PDE4D: variants seen among roughly 807,000 people sequenced by gnomAD.
The protein encoded by PDE4D is 3',5'-cyclic-AMP phosphodiesterase 4D.
Under a neutral mutation model 87.4 loss-of-function variants are expected in PDE4D, and 24 were observed. The ratio of observed to expected loss-of-function variants is 0.27; its 90% CI spans 0.20 to 0.39. The LOEUF (loss-of-function observed/expected upper bound fraction) is 0.39. Ranked by LOEUF, PDE4D falls within the 10% of genes least tolerant of loss-of-function variation. The probability of loss-of-function intolerance (pLI) is 1.00; values close to 1 mark genes in which losing one functional copy is unlikely to be tolerated. For synonymous variants in PDE4D, 384 were observed against 383.2 expected, an observed-to-expected ratio of 1.00 and a Z score of -0.02; for missense variants, 714 against 1,041.0, an observed-to-expected ratio of 0.69 and a Z score of 4.32.
chr5:59,148,757 GTGT>G (rs774385458), intron 5 of PDE4D, among the ~76,000 whole-genome samples: 1,524 of 111,654 alleles, frequency 0.014, 12 homozygotes, highest in Non-Finnish European at 0.024. Context: ...ATATAGCGGT[GTGT>G]GTGTGTGTGT....
intron 2 of PDE4D, among the ~76,000 whole-genome samples, chr5:60,030,456 CAAAAAACA>C (rs1404873215): frequency 6.6e-6 from 1 of 151,794 alleles, no homozygotes; most frequent in East Asian, 1.9e-4. Context: ...GACTCCGTCT[CAAAAAACA>C]AAAAAACAAA....
chr5:60,400,382 C>T (rs936904347), intron 1 of PDE4D, among the ~76,000 whole-genome samples: 73 of 151,396 alleles, frequency 4.8e-4, no homozygotes, highest in African/African-American at 1.7e-3. Context: ...ATTAGCCAGG[C>T]GTGGTGGCAG....
chr5:59,073,272 A>T (rs1172792221), intron 5 of PDE4D, among the ~76,000 whole-genome samples: 1 of 152,086 alleles, frequency 6.6e-6, no homozygotes, highest in Non-Finnish European at 1.5e-5. Flanking sequence ...AGAACAACTC[A>T]CTTGACCTGC....
intron 1 of PDE4D, among the ~76,000 whole-genome samples, chr5:60,415,886 G>C (rs1293339127): frequency 6.6e-6 from 1 of 152,262 alleles, no homozygotes. Context: ...TCCTGAGTCT[G>C]GTGGGGACTT....
At chr5:59,519,031 A>G (rs1336894102) in intron 1 of PDE4D, among the ~76,000 whole-genome samples, 1 of 152,206 alleles carries the variant, frequency 6.6e-6, no homozygotes, top group African/African-American at 2.4e-5. Context: ...AGTAAAGCCA[A>G]CATGAGACTT....
chr5:60,455,714 C>G (rs1320435778), intron 1 of PDE4D, among the ~76,000 whole-genome samples: 1 of 152,058 alleles, frequency 6.6e-6, no homozygotes, highest in Non-Finnish European at 1.5e-5. Flanking sequence ...TAGCAACTCC[C>G]TAGGAATGTC....
chr5:59,334,981 A>AT, intron 1 of PDE4D, among the ~76,000 whole-genome samples: 1 of 151,660 alleles, frequency 6.6e-6, no homozygotes, highest in Non-Finnish European at 1.5e-5. Flanking sequence ...TTCACTCCTC[A>AT]TTTTTCAGCT....
intron 1 of PDE4D, among the ~76,000 whole-genome samples, chr5:60,494,427 T>C (rs1386342944): frequency 6.6e-6 from 1 of 152,178 alleles, no homozygotes; most frequent in East Asian, 1.9e-4. Context: ...AAGGGGGCAG[T>C]TATTCAGCAC....
intron 1 of PDE4D, among the ~76,000 whole-genome samples, chr5:59,615,336 G>A (rs1017292246): frequency 6.6e-6 from 1 of 152,082 alleles, no homozygotes; most frequent in African/African-American, 2.4e-5. Context: ...ATGACTTTCT[G>A]GTTCAGAGAT....
At chr5:60,084,614 G>A (rs10514902) in intron 2 of PDE4D, among the ~76,000 whole-genome samples, 21,065 of 152,208 alleles carry the variant, frequency 0.14, 1,505 homozygotes, top group Middle Eastern at 0.22. Context: ...GCAAGCTACA[G>A]AGCAACTACT....
intron 5 of PDE4D, among the ~76,000 whole-genome samples, chr5:59,080,358 C>T (rs954823598): frequency 2.6e-5 from 4 of 152,170 alleles, no homozygotes; most frequent in Admixed American, 2.6e-4. Context: ...AACAGTCCCA[C>T]GAAGAATCGT....
At chr5:59,716,991 G>T (rs1755122337) in intron 1 of PDE4D, among the ~76,000 whole-genome samples, 1 of 152,172 alleles carries the variant, frequency 6.6e-6, no homozygotes. Context: ...GTTATTATTA[G>T]TCATTGATAA....
intron 1 of PDE4D, among the ~76,000 whole-genome samples, chr5:60,393,574 T>G (rs949470470): frequency 1.3e-5 from 2 of 152,196 alleles, no homozygotes; most frequent in Admixed American, 1.3e-4. Context: ...CTTAAAATAC[T>G]CTTCAATTTA....
chr5:60,141,467 T>A (rs1367377367), intron 2 of PDE4D, among the ~76,000 whole-genome samples: 3 of 152,072 alleles, frequency 2.0e-5, no homozygotes, highest in Non-Finnish European at 4.4e-5. Context: ...AAGGGAGAAA[T>A]CCACACTTGG....
intron 5 of PDE4D, among the ~76,000 whole-genome samples, chr5:59,177,903 C>T (rs1021692912): frequency 6.6e-6 from 1 of 152,144 alleles, no homozygotes; most frequent in Non-Finnish European, 1.5e-5. Flanking sequence ...TGACCCCTAT[C>T]AACAGGGACC....
At chr5:60,460,831 T>G (rs2150171128) in intron 1 of PDE4D, 3 of 492,862 alleles carry the variant, frequency 6.1e-6, no homozygotes, top group Non-Finnish European at 1.1e-5. Flanking sequence ...TTGGTTAAAA[T>G]TGAGCAATAA....
intron 1 of PDE4D, among the ~76,000 whole-genome samples, chr5:59,724,552 G>GT (rs1202426130): frequency 1.3e-5 from 2 of 152,010 alleles, no homozygotes; most frequent in African/African-American, 2.4e-5. Flanking sequence ...GAAAATACAT[G>GT]TTTTTGTTTA....
At chr5:59,384,907 C>T (rs1003134784) in intron 1 of PDE4D, among the ~76,000 whole-genome samples, 2 of 151,842 alleles carry the variant, frequency 1.3e-5, no homozygotes, top group Non-Finnish European at 2.9e-5. Context: ...AATTAACAAT[C>T]ACTGTTTACA....
intron 11 of PDE4D, 39 bp downstream of exon 11, chr5:58,988,454 A>G: frequency 4.7e-6 from 4 of 858,034 alleles, no homozygotes; most frequent in Non-Finnish European, 7.0e-6. Flanking sequence ...TAAAATGTAC[A>G]AGGGAAAAAT....
Sources: allele counts gnomAD v4.1 joint callset (sites outside exome capture counted in the v4.1 genomes callset), GRCh38; gene constraint gnomAD v4.1.1; transcripts MANE v1.5; gene names NCBI Gene and HGNC (gene_info 2026-07-23, HGNC 2026-07-21).